Variants in TRIM55 observed in about 807,000 individuals in gnomAD.
The protein encoded by TRIM55 is tripartite motif containing 55.
Under a neutral mutation model 60.9 loss-of-function variants are expected in TRIM55, and 50 were observed. That is an observed-to-expected ratio of 0.82 (90% confidence interval 0.65 to 1.04). The LOEUF (loss-of-function observed/expected upper bound fraction) is 1.04. Among genes scored for constraint, TRIM55 ranks in the 50% least tolerant of loss-of-function variants. The pLI is 0.00. For missense variants in TRIM55, 681 were observed against 666.9 expected (o/e 1.02, Z -0.23); for synonymous variants, 237 against 238.1 (o/e 1.00, Z 0.04).
intron 9 of TRIM55, among the ~76,000 whole-genome samples, chr8:66,170,105 T>A (rs896612740): frequency 1.3e-5 from 2 of 152,158 alleles, no homozygotes; most frequent in African/African-American, 4.8e-5. Context: ...GAGTATATAA[T>A]GTGTATACTC....
intron 9 of TRIM55, 135 bp downstream of exon 9, chr8:66,154,469 T>C: frequency 1.1e-6 from 1 of 949,906 alleles, no homozygotes; most frequent in East Asian, 2.6e-5. Flanking sequence ...ACAGAAACAA[T>C]TCATCCCCCA....
intron 4 of TRIM55, 49 bp from the exon 5 acceptor site, chr8:66,149,596 A>T: frequency 6.9e-7 from 1 of 1,440,510 alleles, no homozygotes. Flanking sequence ...ATTTCTCCAA[A>T]TCGACTTTGT....
At chr8:66,150,552 G>A (rs1272851409) in intron 7 of TRIM55, 86 bp downstream of exon 7, 10 of 1,489,906 alleles carry the variant, frequency 6.7e-6, no homozygotes, top group Middle Eastern at 1.7e-4. Context: ...CGGGGATTCA[G>A]AATCACCTCC....
Position 66,127,320 on chromosome 8 carries a change from G to A in TRIM55, c.52G>A (p.Asp18Asn). The change falls in exon 1 of 10, where the codon GAT (aspartate) becomes AAT (asparagine). Residue 18 changes from aspartate to asparagine, a missense_variant. Physicochemically the swap from Asp to Asn is conservative, Grantham distance 23 (BLOSUM62 1). Coordinates refer to ENST00000315962, the MANE Select transcript of TRIM55 (RefSeq NM_184085.2). ...TTTTTCCAAAGAGCAGCAGACCATGGATAACTTAGAGAAGCAACTCATCTG... is the reference window on the plus strand; with the variant it reads ...TTTTTCCAAAGAGCAGCAGACCATGAATAACTTAGAGAAGCAACTCATCTG... ...KSFSKEQQTM[D>N]NLEKQLICPI... 7 of 1,614,182 alleles carry A rather than the reference G, an allele frequency of 4.3e-6. No homozygotes were observed. Among genetic ancestry groups the A allele is most frequent in the Non-Finnish European group, 5.9e-6 (7 of 1,180,028 alleles).
the TRIM55 span, among the ~76,000 whole-genome samples, chr8:66,114,082 A>ACCCC: frequency 5.1e-3 from 383 of 75,270 alleles, 20 homozygotes; most frequent in South Asian, 8.9e-3. Context: ...AAGGAGAGAC[A>ACCCC]CCCCCCCCCC....
At chr8:66,165,582 A>C (rs534866293) in intron 9 of TRIM55, among the ~76,000 whole-genome samples, 39 of 152,306 alleles carry the variant, frequency 2.6e-4, no homozygotes, top group African/African-American at 9.4e-4. Flanking sequence ...CAGGGTGTCA[A>C]ATTATTTTCA....
chr8:66,114,087 C>CCA, the TRIM55 span, among the ~76,000 whole-genome samples: 38 of 132,698 alleles, frequency 2.9e-4, 3 homozygotes, highest in Admixed American at 9.2e-4. Flanking sequence ...GAGACACCCC[C>CCA]CCCCCCATTA....
intron 9 of TRIM55, chr8:66,155,514 T>G: frequency 1.4e-6 from 1 of 734,696 alleles, no homozygotes; most frequent in Non-Finnish European, 2.3e-6. Flanking sequence ...CACTACCCCA[T>G]GAAGAGCACG....
the TRIM55 span, chr8:66,113,493 A>C: frequency 2.2e-6 from 1 of 455,686 alleles, no homozygotes; most frequent in Non-Finnish European, 4.4e-6. Context: ...GCTCCCGATG[A>C]CTTATGGCAC....
the TRIM55 span, among the ~76,000 whole-genome samples, chr8:66,116,559 A>C: frequency 4.0e-5 from 6 of 151,240 alleles, no homozygotes; most frequent in Admixed American, 1.3e-4. Context: ...GTGAGCAGTG[A>C]TTGCGCCACT....
At chr8:66,117,866 C>A in the TRIM55 span, among the ~76,000 whole-genome samples, 1 of 152,122 alleles carries the variant, frequency 6.6e-6, no homozygotes, top group South Asian at 2.1e-4. Context: ...TTTCTTATTG[C>A]CAAGAAGTGT....
intron 9 of TRIM55, among the ~76,000 whole-genome samples, chr8:66,165,804 T>G (rs1002167980): frequency 6.6e-6 from 1 of 152,166 alleles, no homozygotes; most frequent in Non-Finnish European, 1.5e-5. Flanking sequence ...GAAGCTATGG[T>G]AGTGAGATGC....
chr8:66,137,657 G>T (rs1269605557), intron 4 of TRIM55, among the ~76,000 whole-genome samples: 1 of 151,418 alleles, frequency 6.6e-6, no homozygotes, highest in Non-Finnish European at 1.5e-5. Context: ...TGTAGTTAGA[G>T]AATGGCTCAG....
chr8:66,141,826 T>A (rs1280061252), intron 4 of TRIM55, among the ~76,000 whole-genome samples: 2 of 152,256 alleles, frequency 1.3e-5, no homozygotes, highest in Non-Finnish European at 2.9e-5. Flanking sequence ...AACAAATTCA[T>A]TGTATTTCCA....
intron 4 of TRIM55, among the ~76,000 whole-genome samples, chr8:66,141,114 C>G (rs879634677): frequency 7.2e-5 from 11 of 152,188 alleles, no homozygotes; most frequent in Non-Finnish European, 1.5e-4. Flanking sequence ...CCAAGACCAG[C>G]CCTGAAGCAA....
At chr8:66,118,817 T>C in the TRIM55 span, among the ~76,000 whole-genome samples, 2 of 152,318 alleles carry the variant, frequency 1.3e-5, no homozygotes, top group South Asian at 4.1e-4. Context: ...AAATCCCAGA[T>C]GAAGTGTGGC....
chr8:66,119,007 G>A, the TRIM55 span, among the ~76,000 whole-genome samples: 2 of 152,194 alleles, frequency 1.3e-5, no homozygotes, highest in Non-Finnish European at 2.9e-5. Context: ...ATTAAGTGTT[G>A]ACCTTTGTTT....
intron 9 of TRIM55, among the ~76,000 whole-genome samples, chr8:66,158,951 G>A (rs1394050925): frequency 6.6e-6 from 1 of 152,190 alleles, no homozygotes. Flanking sequence ...GCTCAGTAGA[G>A]CAAAGACAGG....
the TRIM55 span, among the ~76,000 whole-genome samples, chr8:66,114,093 C>CA: frequency 2.2e-5 from 3 of 136,414 alleles, no homozygotes; most frequent in Admixed American, 7.3e-5. Flanking sequence ...CCCCCCCCCC[C>CA]ATTATTTTGT....
Sources: gnomAD v4.1 joint callset for allele counts (sites outside exome capture counted in the v4.1 genomes callset) on GRCh38, gnomAD v4.1.1 for gene constraint, MANE v1.5 for transcripts, NCBI Gene and HGNC (gene_info 2026-07-23, HGNC 2026-07-21) for gene names.